FOXP2: variants seen among roughly 807,000 people sequenced by gnomAD.
FOXP2 encodes forkhead box protein P2.
FOXP2 carries 12 observed loss-of-function variants against 115.8 expected under a neutral mutation model. That is an observed-to-expected ratio of 0.10 (90% confidence interval 0.07 to 0.17). The LOEUF is 0.17. Ranked by LOEUF, FOXP2 falls within the 10% of genes least tolerant of loss-of-function variation. FOXP2 has a pLI of 1.00. For missense variants in FOXP2, 629 were observed against 843.5 expected, an observed-to-expected ratio of 0.75 and a Z score of 3.15; for synonymous variants, 328 against 297.7, an observed-to-expected ratio of 1.10 and a Z score of -1.05.
At chr7:114,235,760 C>T (rs1215281008) in intron 1 of FOXP2, among the ~76,000 whole-genome samples, 1 of 152,114 alleles carries the variant, frequency 6.6e-6, no homozygotes, top group East Asian at 1.9e-4. Flanking sequence ...ATCATTTTGG[C>T]TGGTGGGACT....
intron 1 of FOXP2, among the ~76,000 whole-genome samples, chr7:114,124,777 T>C (rs1406903413): frequency 1.3e-5 from 2 of 151,942 alleles, no homozygotes; most frequent in South Asian, 4.1e-4. Context: ...ACCTTACCCC[T>C]TTCTCCATTC....
intron 1 of FOXP2, among the ~76,000 whole-genome samples, chr7:114,102,689 C>CCA (rs1305617533): frequency 1.0e-5 from 1 of 99,960 alleles, no homozygotes; most frequent in Non-Finnish European, 2.1e-5. Flanking sequence ...CATACAAACA[C>CCA]CACACACCAC....
intron 2 of FOXP2, among the ~76,000 whole-genome samples, chr7:114,345,978 A>G (rs1367292057): frequency 6.6e-6 from 1 of 151,818 alleles, no homozygotes; most frequent in Non-Finnish European, 1.5e-5. Context: ...CTGCATAGTT[A>G]TAGTTTTTAT....
chr7:114,640,772 T>C (rs1266953636), intron 6 of FOXP2, among the ~76,000 whole-genome samples: 1 of 152,202 alleles, frequency 6.6e-6, no homozygotes, highest in East Asian at 1.9e-4. Flanking sequence ...TTCATCTTTA[T>C]ATTAGATGTT....
At chr7:114,510,545 C>G (rs1798018849) in intron 2 of FOXP2, among the ~76,000 whole-genome samples, 1 of 152,146 alleles carries the variant, frequency 6.6e-6, no homozygotes, top group South Asian at 2.1e-4. Flanking sequence ...TTTATAATTT[C>G]AAACTTTTCC....
chr7:114,398,840 G>A (rs1363444578), intron 2 of FOXP2, among the ~76,000 whole-genome samples: 1 of 152,198 alleles, frequency 6.6e-6, no homozygotes, highest in South Asian at 2.1e-4. Context: ...TTAAAATTAA[G>A]ATGAAAGTAG....
intron 3 of FOXP2, among the ~76,000 whole-genome samples, chr7:114,547,426 C>T (rs1407923068): frequency 6.6e-6 from 1 of 151,968 alleles, no homozygotes; most frequent in African/African-American, 2.4e-5. Flanking sequence ...ACTAGGGAAC[C>T]GGAAGTGAGA....
At chr7:114,636,534 A>G (rs1449615153) in intron 6 of FOXP2, among the ~76,000 whole-genome samples, 1 of 152,088 alleles carries the variant, frequency 6.6e-6, no homozygotes. Flanking sequence ...TTAACAGTAT[A>G]CATACTTTGC....
chr7:114,440,351 T>C (rs1373278720), intron 2 of FOXP2, among the ~76,000 whole-genome samples: 1 of 152,224 alleles, frequency 6.6e-6, no homozygotes, highest in African/African-American at 2.4e-5. Flanking sequence ...ACTGCTATAA[T>C]TCAAATATAT....
intron 3 of FOXP2, among the ~76,000 whole-genome samples, chr7:114,550,396 G>A (rs1402815816): frequency 6.6e-6 from 1 of 152,050 alleles, no homozygotes; most frequent in Non-Finnish European, 1.5e-5. Context: ...GATTACAGGC[G>A]TGAGCCACCG....
intron 2 of FOXP2, among the ~76,000 whole-genome samples, chr7:114,494,200 A>G (rs1797204750): frequency 6.6e-6 from 1 of 152,194 alleles, no homozygotes; most frequent in Non-Finnish European, 1.5e-5. Flanking sequence ...AACTTTATAA[A>G]AACTTAAAGT....
rs1246382784 is a variant in FOXP2 at position 114,629,930 on chromosome 7, ACAGCAGCAACAACAGCAGCAG to A, written c.534_554del (p.Gln185_Gln191del). The A allele has an allele frequency of 1.9e-6, 3 of 1,596,550 alleles. No individual in the cohort carries two copies. Among genetic ancestry groups the A allele is most frequent in the Non-Finnish European group, 2.6e-6 (3 of 1,173,694 alleles). ...AACAGCAGCAGCAACAACAACAACA[ACAGCAGCAACAACAGCAGCAG>A]CAGCAGCAACAGCAGCAGCAGCAGC... is the stretch of plus-strand genomic sequence containing the variant. On this transcript the variant is annotated inframe_deletion, in exon 5 of 17. Transcript: ENST00000350908.
chr7:114,107,944 TA>T (rs983516751), intron 1 of FOXP2, among the ~76,000 whole-genome samples: 80 of 152,056 alleles, frequency 5.3e-4, no homozygotes, highest in African/African-American at 1.9e-3. Context: ...CAATATATGG[TA>T]AAAAATGAGT....
At chr7:114,329,293 G>A (rs758137195) in intron 2 of FOXP2, among the ~76,000 whole-genome samples, 1 of 151,986 alleles carries the variant, frequency 6.6e-6, no homozygotes, top group Non-Finnish European at 1.5e-5. Flanking sequence ...TGAAGCAGGC[G>A]GATCACCTGA....
intron 6 of FOXP2, among the ~76,000 whole-genome samples, chr7:114,638,591 G>A (rs1203238009): frequency 6.6e-6 from 1 of 152,160 alleles, no homozygotes; most frequent in Non-Finnish European, 1.5e-5. Flanking sequence ...TTTTTAGGTT[G>A]AAAGCTTTGT....
At chr7:114,326,942 T>C (rs1039386998) in intron 2 of FOXP2, among the ~76,000 whole-genome samples, 1 of 152,216 alleles carries the variant, frequency 6.6e-6, no homozygotes, top group African/African-American at 2.4e-5. Flanking sequence ...GACCTACATT[T>C]ATTTTCTTTC....
At chr7:114,359,208 A>G (rs2129187228) in intron 2 of FOXP2, among the ~76,000 whole-genome samples, 1 of 152,324 alleles carries the variant, frequency 6.6e-6, no homozygotes, top group African/African-American at 2.4e-5. Context: ...GCAAGCCCCA[A>G]GCCTTGGTAG....
chr7:114,316,738 G>A (rs1797287109), intron 2 of FOXP2, among the ~76,000 whole-genome samples: 4 of 152,128 alleles, frequency 2.6e-5, no homozygotes, highest in African/African-American at 7.2e-5. Flanking sequence ...AGAGGGCTAG[G>A]ATTTTAGGAG....
intron 1 of FOXP2, among the ~76,000 whole-genome samples, chr7:114,214,910 C>A (rs1382850638): frequency 6.6e-6 from 1 of 152,042 alleles, no homozygotes; most frequent in Non-Finnish European, 1.5e-5. Context: ...AGTGCTATTT[C>A]TTTTGGTCTA....
Sources: allele counts gnomAD v4.1 joint callset (sites outside exome capture counted in the v4.1 genomes callset), GRCh38; gene constraint gnomAD v4.1.1; transcripts MANE v1.5; gene names NCBI Gene and HGNC (gene_info 2026-07-23, HGNC 2026-07-21).